ARMC7: variants seen among roughly 807,000 people sequenced by gnomAD.
ARMC7 encodes the protein armadillo repeat-containing protein 7.
In ARMC7, 9 loss-of-function variants were observed where a neutral mutation model predicts 14.8. The observed-to-expected ratio is 0.61, with a 90% CI of 0.37 to 1.06. ARMC7 has a LOEUF of 1.06. Ranked by LOEUF, ARMC7 falls within the 50% of genes least tolerant of loss-of-function variation. The pLI, the probability that ARMC7 is intolerant of heterozygous loss-of-function variation, is 0.01. For synonymous variants in ARMC7, 125 were observed against 123.4 expected, an observed-to-expected ratio of 1.01 and a Z score of -0.09; for missense variants, 262 against 267.1, an observed-to-expected ratio of 0.98 and a Z score of 0.13.
intron 2 of ARMC7, among the ~76,000 whole-genome samples, chr17:75,123,041 T>TC (rs1259834353): frequency 1.3e-5 from 2 of 151,396 alleles, no homozygotes; most frequent in East Asian, 3.9e-4. Context: ...ACTTTTTTTT[T>TC]TTTTTTTTAA....
chr17:75,130,253 G>A lies in ARMC7; in HGVS notation c.*1215G>A. The A allele has an allele frequency of 1.8e-6, 1 of 555,550 alleles. No homozygotes were observed. The highest frequency in any genetic ancestry group is 3.2e-6 in the Non-Finnish European group (1 of 311,114). The allele number at this position is 555,550 out of a possible 1,614,324, so 34.4% of individuals were successfully genotyped here. A position where few individuals can be genotyped will look rare whatever the true frequency, so the allele number is the denominator to read the frequency against. ...TAGAAAGCCAAGGTCTTTTATTAAA[G>A]GTCCCGACTGGTTTTCCCACTGTAT... On this transcript the variant is annotated 3_prime_UTR_variant, in exon 3 of 3. Coordinates refer to ENST00000245543, the MANE Select transcript of ARMC7 (RefSeq NM_024585.4).
chr17:75,118,797 T>G (rs1163425369), intron 2 of ARMC7, among the ~76,000 whole-genome samples: 1 of 152,190 alleles, frequency 6.6e-6, no homozygotes, highest in African/African-American at 2.4e-5. Context: ...AACCAGCCTG[T>G]CCACAAGGCC....
chr17:75,119,937 C>T (rs2074001872), intron 2 of ARMC7, among the ~76,000 whole-genome samples: 1 of 151,990 alleles, frequency 6.6e-6, no homozygotes, highest in Non-Finnish European at 1.5e-5. Context: ...TGGAGTCTCG[C>T]CCTGTTGACC....
rs1023390403 is a variant in ARMC7, at chr17:75,110,029, T to C, written c.-260T>C. On this transcript the variant is annotated 5_prime_UTR_variant, in exon 1 of 3. Coordinates refer to ENST00000245543, the MANE Select transcript of ARMC7 (RefSeq NM_024585.4). ...TGCCCCCTCCGCGAGCCCCAACCAG[T>C]AGACGGTTCCCTGTCTCCCGCGCCC... 2 of 457,304 alleles carry C rather than the reference T, an allele frequency of 4.4e-6. No homozygotes were observed. The highest frequency in any genetic ancestry group is 5.3e-5 in the South Asian group (2 of 37,978). 28.3% of individuals were successfully genotyped at this position (457,304 alleles called of 1,614,324 possible). A position where few individuals can be genotyped will look rare whatever the true frequency, so the allele number is the denominator to read the frequency against.
chr17:75,128,712 A>G lies in ARMC7; in HGVS notation c.271A>G (p.Lys91Glu). 1 of 1,613,508 alleles carries G rather than the reference A, an allele frequency of 6.2e-7. No homozygotes were observed. The highest frequency in any genetic ancestry group is 1.3e-5 in the African/African-American group (1 of 75,036). The change falls in exon 3 of 3, where the codon AAG (lysine) becomes GAG (glutamate). Residue 91 changes from lysine to glutamate, a missense_variant. Lys to Glu is a moderately conservative substitution (Grantham distance 56). Transcript: ENST00000245543. ...CAACCTGTGCCCAGACAGGGCCAAC[A>G]AGGAGCACATCCTGCACGCAGGAGG... The part of the protein sequence containing the change: ...LCNLCPDRAN[K>E]EHILHAGGVP...
intron 2 of ARMC7, among the ~76,000 whole-genome samples, chr17:75,111,478 TCA>T (rs2073922361): frequency 1.3e-5 from 2 of 150,232 alleles, no homozygotes; most frequent in African/African-American, 4.9e-5. Context: ...GTGAGGTGGC[TCA>T]CACCTTTAAT....
intron 2 of ARMC7, among the ~76,000 whole-genome samples, chr17:75,119,446 G>GT (rs147340090): frequency 0.53 from 63,890 of 119,868 alleles, 19,501 homozygotes; most frequent in Non-Finnish European, 0.65. Flanking sequence ...CTGTGATACA[G>GT]TTTTTTCTTT....
chr17:75,119,712 G>A (rs60272227), intron 2 of ARMC7, among the ~76,000 whole-genome samples: 17,991 of 151,144 alleles, frequency 0.12, 3,162 homozygotes, highest in African/African-American at 0.38. Flanking sequence ...CGCCTGCCTC[G>A]GCCCTCTCAA....
intron 2 of ARMC7, among the ~76,000 whole-genome samples, chr17:75,116,522 G>A (rs557142247): frequency 3.7e-4 from 57 of 152,362 alleles, no homozygotes; most frequent in Non-Finnish European, 6.0e-4. Context: ...CTACTCAGGA[G>A]GCTGAGGCAG....
At chr17:75,122,010 C>G (rs1357142209) in intron 2 of ARMC7, among the ~76,000 whole-genome samples, 1 of 152,048 alleles carries the variant, frequency 6.6e-6, no homozygotes, top group Non-Finnish European at 1.5e-5. Context: ...GAGTTATTCT[C>G]CTATCTCAGT....
chr17:75,124,008 C>T (rs1214850356), intron 2 of ARMC7, among the ~76,000 whole-genome samples: 1 of 152,194 alleles, frequency 6.6e-6, no homozygotes, highest in Non-Finnish European at 1.5e-5. Context: ...CCAGTTTCCA[C>T]GTTGCTCTTT....
chr17:75,110,620 C>A lies in ARMC7; in HGVS notation c.235+14C>A, dbSNP rs1339107993. 6.2e-7 allele frequency: 1 copy of A among 1,613,918 alleles called. No individual in the cohort carries two copies. The highest frequency in any genetic ancestry group is 1.7e-5 in the Admixed American group (1 of 59,954). ...AGTTTGCTATTGGTAAGGGCGGGGC[C>A]CGTTCCCTAGATGCCTAAATGGGCC... On this transcript the variant is annotated intron_variant, in intron 2 of 2. Coordinates refer to ENST00000245543, the MANE Select transcript of ARMC7 (RefSeq NM_024585.4).
Position 75,128,773 on chromosome 17 carries a change from A to G in ARMC7, c.332A>G (p.Asn111Ser), listed in dbSNP as rs201640079. Residue 111 changes from asparagine (N) to serine (S), a missense_variant, in exon 3 of 3, where the codon AAT becomes AGT. Coordinates refer to ENST00000245543, the MANE Select transcript of ARMC7 (RefSeq NM_024585.4). ...ATCATCAACTGCCTATCCAGCCCCA[A>G]TGAGGAGACGGTGCTGTCTGCCATC... is the stretch of plus-strand genomic sequence containing the variant. ...PLIINCLSSPNEETVLSAITT... is the reference protein window; with the variant it reads ...PLIINCLSSPSEETVLSAITT... 1.0e-4 allele frequency: 161 copies of G among 1,613,536 alleles called. No homozygotes were observed. The highest frequency in any genetic ancestry group is 8.1e-4 in the African/African-American group (61 of 75,046).
intron 2 of ARMC7, chr17:75,114,077 T>G (rs1360854339): frequency 2.5e-6 from 1 of 400,718 alleles, no homozygotes; most frequent in Non-Finnish European, 4.4e-6. Flanking sequence ...TGCCAGCTCC[T>G]CTAGAAGATT....
chr17:75,125,815 G>A (rs2074047454), intron 2 of ARMC7, among the ~76,000 whole-genome samples: 1 of 152,198 alleles, frequency 6.6e-6, no homozygotes, highest in South Asian at 2.1e-4. Context: ...CTTCACTCCA[G>A]CCTGGGTGAA....
intron 2 of ARMC7, 65 bp downstream of exon 2, chr17:75,110,671 G>A: frequency 1.3e-6 from 2 of 1,590,080 alleles, no homozygotes; most frequent in South Asian, 1.1e-5. Flanking sequence ...AATTAGAAGT[G>A]AGTCCTTGGG....
chr17:75,128,539 G>A, intron 2 of ARMC7, 138 bp from the exon 3 acceptor site: 3 of 1,235,282 alleles, frequency 2.4e-6, no homozygotes, highest in South Asian at 3.2e-5. Context: ...GAGAAGGCAG[G>A]AGCCGGAATG....
chr17:75,118,562 C>T (rs574481836), intron 2 of ARMC7, among the ~76,000 whole-genome samples: 2 of 152,334 alleles, frequency 1.3e-5, no homozygotes, highest in East Asian at 1.9e-4. Flanking sequence ...CTACAGCGAC[C>T]GCGGAGAACA....
intron 2 of ARMC7, chr17:75,114,875 C>T (rs2073962336): frequency 2.5e-6 from 1 of 393,360 alleles, no homozygotes; most frequent in Non-Finnish European, 4.5e-6. Flanking sequence ...AGAGCCCCCG[C>T]GTATTTTCTT....
Sources: gnomAD v4.1 joint callset for allele counts (sites outside exome capture counted in the v4.1 genomes callset) on GRCh38, gnomAD v4.1.1 for gene constraint, MANE v1.5 for transcripts, NCBI Gene and HGNC (gene_info 2026-07-23, HGNC 2026-07-21) for gene names.